Variants in RANBP3 observed in about 807,000 individuals in gnomAD.
The protein encoded by RANBP3 is RAN binding protein 3.
In RANBP3, 14 loss-of-function variants were observed where a neutral mutation model predicts 77.3. The ratio of observed to expected loss-of-function variants is 0.18; its 90% CI spans 0.12 to 0.28. The LOEUF (loss-of-function observed/expected upper bound fraction) is 0.28. RANBP3 is among the 10% of genes least tolerant of loss of function. RANBP3 has a pLI of 1.00. For missense variants in RANBP3, 586 were observed against 752.3 expected (o/e 0.78, Z 2.59); for synonymous variants, 315 against 312.4 (o/e 1.01, Z -0.09).
intron 1 of RANBP3, among the ~76,000 whole-genome samples, chr19:5,975,372 C>A (rs976281500): frequency 6.6e-6 from 1 of 152,124 alleles, no homozygotes; most frequent in African/African-American, 2.4e-5. Context: ...GTTCAACTAT[C>A]CCATTTACAA....
intron 3 of RANBP3, among the ~76,000 whole-genome samples, chr19:5,945,289 G>A (rs2058190020): frequency 6.6e-6 from 1 of 152,238 alleles, no homozygotes; most frequent in African/African-American, 2.4e-5. Context: ...TGCACGGGAT[G>A]TTTCTCCTGA....
Position 5,923,934 on chromosome 19 carries a change from TACA to T in RANBP3, c.997-23_997-21del. The T allele has an allele frequency of 6.3e-7, 1 of 1,588,284 alleles. No individual in the cohort carries two copies. The highest frequency in any genetic ancestry group is 8.6e-7 in the Non-Finnish European group (1 of 1,156,790). On this transcript the variant is annotated intron_variant, in intron 11 of 16. Transcript: ENST00000340578. ...GGGGCTCTGCAGGGACACAAAAGCA[TACA>T]AGGAAGAGGGCACTTGTGTGGTCCT...
In RANBP3 at chr19:5,935,638, G is replaced by A. The variant is rs1171757610; in HGVS notation, c.407-2159C>T. 2.7e-5 allele frequency: 12 copies of A among 449,422 alleles called. No individual in the cohort carries two copies. In the East Asian group the frequency reaches 2.8e-4, roughly 11 times the overall value. The allele number at this position is 449,422 out of a possible 1,614,324, so 27.8% of individuals were successfully genotyped here. A position where few individuals can be genotyped will look rare whatever the true frequency, so the allele number is the denominator to read the frequency against. On this transcript the variant is annotated intron_variant, in intron 5 of 16. Transcript: ENST00000340578. ...CTGAGGGGAGCCTGGGGGCTGGCCC[G>A]AGCTGCCAAGCGGAAGCAGGAGACT...
intron 1 of RANBP3, among the ~76,000 whole-genome samples, chr19:5,963,099 T>C (rs933129353): frequency 1.3e-5 from 2 of 152,218 alleles, no homozygotes; most frequent in Non-Finnish European, 2.9e-5. Flanking sequence ...AATATTAAAA[T>C]AGGAGTCAAA....
chr19:5,935,657 G>A (rs1325196677), intron 5 of RANBP3: 1 of 453,718 alleles, frequency 2.2e-6, no homozygotes, highest in Admixed American at 2.4e-5. Context: ...AGCGGAAGCA[G>A]GAGACTTGGA....
At chr19:5,941,486 C>A in intron 5 of RANBP3, 135 bp downstream of exon 5, 1 of 771,142 alleles carries the variant, frequency 1.3e-6, no homozygotes, top group South Asian at 1.8e-5. Flanking sequence ...TCACTCCTGA[C>A]AGAGCCCGAG....
intron 3 of RANBP3, among the ~76,000 whole-genome samples, chr19:5,946,875 G>A (rs74788771): frequency 0.016 from 2,373 of 152,304 alleles, 34 homozygotes; most frequent in Middle Eastern, 0.095. Context: ...CAGGAGTCTG[G>A]ACCTGTTTGG....
Position 5,921,549 on chromosome 19 carries a change from C to T in RANBP3, c.1210-228G>A, listed in dbSNP as rs184866352. Among the ~76,000 whole-genome samples the T allele has an allele frequency of 4.6e-5, 7 of 152,344 alleles. No homozygotes were observed. Among genetic ancestry groups the T allele is most frequent in the East Asian group, 3.9e-4 (2 of 5,192 alleles). On this transcript the variant is annotated intron_variant, in intron 13 of 16. Transcript: ENST00000340578. This position sits in a 1 kb window ranked among gnomAD's most constrained non-coding sequence, Gnocchi z 5.3. Reference sequence around the variant, plus strand: ...ACTAAGGAAATGAAAAGCAAAACAACGGTGAGAAGCCTCTCTGCGCACTCT... The same window carrying T: ...ACTAAGGAAATGAAAAGCAAAACAATGGTGAGAAGCCTCTCTGCGCACTCT...
chr19:5,919,490 G>A (rs1296367309), intron 14 of RANBP3, among the ~76,000 whole-genome samples: 1 of 152,202 alleles, frequency 6.6e-6, no homozygotes, highest in Non-Finnish European at 1.5e-5. Flanking sequence ...CTGCTGCCAC[G>A]GGGCTACAGG....
intron 1 of RANBP3, among the ~76,000 whole-genome samples, chr19:5,964,093 C>T (rs2058435675): frequency 6.6e-6 from 1 of 152,218 alleles, no homozygotes; most frequent in African/African-American, 2.4e-5. Flanking sequence ...CCTCCCATCC[C>T]CTGCTACCCT....
intron 13 of RANBP3, among the ~76,000 whole-genome samples, 177 bp downstream of exon 13, chr19:5,923,015 CCT>C (rs2057845616): frequency 6.6e-6 from 1 of 152,174 alleles, no homozygotes; most frequent in Non-Finnish European, 1.5e-5. Flanking sequence ...GCAAGAAGCC[CCT>C]GAGCCTAAGC....
In RANBP3 at chr19:5,921,730, C is replaced by A. The variant is rs2057822985; in HGVS notation, c.1210-409G>T. Among the ~76,000 whole-genome samples the A allele has an allele frequency of 6.6e-6, 1 of 152,164 alleles. No homozygotes were observed. Among genetic ancestry groups the A allele is most frequent in the South Asian group, 2.1e-4 (1 of 4,826 alleles). The stretch of plus-strand genomic sequence containing the variant: ...AGCAATTCCATTCCTCGGTATGTAC[C>A]CAAGAGAAATGGAACATTTGTTCGT... On this transcript the variant is annotated intron_variant, in intron 13 of 16. Transcript: ENST00000340578. The surrounding 1 kb of genome is among the most constrained non-coding windows in gnomAD (Gnocchi z 5.3).
intron 1 of RANBP3, among the ~76,000 whole-genome samples, chr19:5,963,769 C>T (rs1271787970): frequency 2.6e-5 from 4 of 152,206 alleles, no homozygotes; most frequent in Non-Finnish European, 4.4e-5. Flanking sequence ...TGCTCTGGCC[C>T]ACCACATACT....
chr19:5,955,618 T>C (rs180875781), intron 2 of RANBP3, among the ~76,000 whole-genome samples: 31 of 152,358 alleles, frequency 2.0e-4, no homozygotes, highest in African/African-American at 7.0e-4. Context: ...TACACATTAC[T>C]GTTCCATCTT....
Position 5,921,715 on chromosome 19 carries a change from T to C in RANBP3, c.1210-394A>G, listed in dbSNP as rs1029685167. Among the ~76,000 whole-genome samples, 4 of 152,220 alleles carry C rather than the reference T, an allele frequency of 2.6e-5. No individual in the cohort carries two copies. Among genetic ancestry groups the C allele is most frequent in the Non-Finnish European group, 4.4e-5 (3 of 68,036 alleles). On this transcript the variant is annotated intron_variant, in intron 13 of 16. Transcript: ENST00000340578. The surrounding 1 kb of genome is among the most constrained non-coding windows in gnomAD (Gnocchi z 5.3). ...ATTACCACATGCCCAAGCAATTCCA[T>C]TCCTCGGTATGTACCCAAGAGAAAT...
In RANBP3 at chr19:5,918,572, T is replaced by C. The variant is rs1403101048; in HGVS notation, c.1397A>G (p.Asp466Gly). ...NTKLWAQMQI[D>G]KASEKSIRIT... Reference sequence around the variant, plus strand: ...GCGAATGCTCTTCTCGCTGGCCTTGTCGATCTGCATCTGGGCCCACAGCTT... The same window carrying C: ...GCGAATGCTCTTCTCGCTGGCCTTGCCGATCTGCATCTGGGCCCACAGCTT... Residue 466 changes from aspartate (D) to glycine (G), a missense_variant, in exon 15 of 17, where the codon GAC becomes GGC. This residue lies in a region of RANBP3 where 128 missense variants were observed against 157.0 expected (regional missense o/e 0.82). Transcript: ENST00000340578. 2 of 1,613,578 alleles carry C rather than the reference T, an allele frequency of 1.2e-6. No individual in the cohort carries two copies. Among genetic ancestry groups the C allele is most frequent in the Non-Finnish European group, 1.7e-6 (2 of 1,179,910 alleles).
chr19:5,926,661 C>T (rs2057914432), intron 9 of RANBP3, among the ~76,000 whole-genome samples: 1 of 152,172 alleles, frequency 6.6e-6, no homozygotes, highest in Admixed American at 6.5e-5. Context: ...GAAGCCAACC[C>T]CACCAAATTC....
At chr19:5,932,790 T>C (rs2058011569) in intron 6 of RANBP3, 3 of 512,360 alleles carry the variant, frequency 5.9e-6, no homozygotes, top group East Asian at 3.5e-5. Context: ...GTTAGCACAG[T>C]AACGTGGCGG....
intron 3 of RANBP3, among the ~76,000 whole-genome samples, chr19:5,949,823 G>T (rs947622602): frequency 4.6e-5 from 7 of 152,150 alleles, no homozygotes; most frequent in Admixed American, 4.6e-4. Flanking sequence ...ACTCCAACAT[G>T]GGCCTCTGTG....
Sources: gnomAD v4.1 joint callset for allele counts (sites outside exome capture counted in the v4.1 genomes callset) on GRCh38, gnomAD v4.1.1 for gene constraint, gnomAD v4.1.1 regional missense constraint, Gnocchi (gnomAD v3.1) non-coding constraint, MANE v1.5 for transcripts, NCBI Gene and HGNC (gene_info 2026-07-23, HGNC 2026-07-21) for gene names.